The following DNAH6 variants were observed in gnomAD, a reference collection of about 807,000 sequenced individuals.
The protein encoded by DNAH6 is axonemal beta dynein heavy chain 6.
A neutral mutation model predicts 491.4 loss-of-function variants in DNAH6; 340 were observed. That is an observed-to-expected ratio of 0.69 (90% confidence interval 0.63 to 0.76). DNAH6 has a LOEUF of 0.76. DNAH6 is among the 30% of genes least tolerant of loss of function. DNAH6 has a pLI of 0.00. For synonymous variants in DNAH6, 1,603 were observed against 1,686.1 expected (o/e 0.95, Z 1.21); for missense variants, 4,443 against 4,972.2 (o/e 0.89, Z 3.20).
At chr2:84,578,503 T>C (rs918480404) in intron 13 of DNAH6, among the ~76,000 whole-genome samples, 1 of 152,152 alleles carries the variant, frequency 6.6e-6, no homozygotes, top group Admixed American at 6.5e-5. Flanking sequence ...GGCTCAGTGG[T>C]GTTACCAAGG....
the DNAH6 span, among the ~76,000 whole-genome samples, chr2:84,468,290 A>G: frequency 6.6e-6 from 1 of 152,228 alleles, no homozygotes; most frequent in South Asian, 2.1e-4. Context: ...AGATTACTAC[A>G]GTAGTTGTAA....
the DNAH6 span, among the ~76,000 whole-genome samples, chr2:84,505,779 A>C: frequency 1.8e-4 from 28 of 152,120 alleles, no homozygotes; most frequent in South Asian, 1.7e-3. Flanking sequence ...TCATTGTTCA[A>C]TTCCCACCTA....
chr2:84,629,648 G>A (rs1688208196), intron 29 of DNAH6, among the ~76,000 whole-genome samples: 1 of 152,078 alleles, frequency 6.6e-6, no homozygotes, highest in South Asian at 2.1e-4. Context: ...CTCTCAGTTA[G>A]GTATTATCTC....
At chr2:84,479,617 T>C in the DNAH6 span, among the ~76,000 whole-genome samples, 1 of 152,194 alleles carries the variant, frequency 6.6e-6, no homozygotes. Context: ...TGAATGTAGC[T>C]GAAGACATTG....
At chr2:84,518,671 G>A (rs1208980785) in intron 2 of DNAH6, among the ~76,000 whole-genome samples, 1 of 152,162 alleles carries the variant, frequency 6.6e-6, no homozygotes, top group Non-Finnish European at 1.5e-5. Flanking sequence ...TGTCACCAAT[G>A]CCATCTACTC....
intron 4 of DNAH6, among the ~76,000 whole-genome samples, chr2:84,537,572 G>A (rs1677817405): frequency 6.6e-6 from 1 of 152,008 alleles, no homozygotes; most frequent in East Asian, 1.9e-4. Flanking sequence ...AGTGGTTCCG[G>A]GTTTTTCTGA....
chr2:84,796,365 A>C lies in DNAH6; in HGVS notation c.11299A>C (p.Ile3767Leu). The change falls in exon 69 of 77, where the codon ATC becomes CTC. Residue 3767 changes from isoleucine (I) to leucine (L), a missense_variant. Transcript: ENST00000389394. The part of the protein sequence containing the change: ...DSWDQRCLRT[I>L]LKRFFSPETL... ...CTGGGACCAAAGATGCCTTCGTACTATCTTGAAAAGATTTTTTTCTCCTGA... is the reference window on the plus strand; with the variant it reads ...CTGGGACCAAAGATGCCTTCGTACTCTCTTGAAAAGATTTTTTTCTCCTGA... 6.6e-7 allele frequency: 1 copy of C among 1,525,180 alleles called. No individual in the cohort carries two copies. Among genetic ancestry groups the C allele is most frequent in the Non-Finnish European group, 8.9e-7 (1 of 1,129,854 alleles). The allele number at this position is 1,525,180 out of a possible 1,614,324, so 94.5% of individuals were successfully genotyped here. A position where few individuals can be genotyped will look rare whatever the true frequency, so the allele number is the denominator to read the frequency against.
At chr2:84,697,072 A>G (rs532394449) in intron 46 of DNAH6, among the ~76,000 whole-genome samples, 24 of 152,322 alleles carry the variant, frequency 1.6e-4, no homozygotes, top group Admixed American at 7.8e-4. Flanking sequence ...AAAATCCAGA[A>G]AATATTTGTG....
intron 63 of DNAH6, among the ~76,000 whole-genome samples, chr2:84,747,644 C>T (rs964113472): frequency 6.6e-6 from 1 of 152,202 alleles, no homozygotes; most frequent in Non-Finnish European, 1.5e-5. Flanking sequence ...CACAGCTCCA[C>T]TAGGCAGCAC....
At chr2:84,806,995 A>G (rs1243014502) in intron 71 of DNAH6, among the ~76,000 whole-genome samples, 1 of 152,254 alleles carries the variant, frequency 6.6e-6, no homozygotes, top group Non-Finnish European at 1.5e-5. Flanking sequence ...GGATAGCTGC[A>G]GAGACCATGC....
intron 59 of DNAH6, among the ~76,000 whole-genome samples, chr2:84,721,830 G>A (rs1698194174): frequency 6.6e-6 from 1 of 152,076 alleles, no homozygotes; most frequent in African/African-American, 2.4e-5. Flanking sequence ...GATTTTTCAT[G>A]GTCCCTGCTC....
the DNAH6 span, among the ~76,000 whole-genome samples, chr2:84,477,802 G>A: frequency 6.6e-6 from 1 of 152,208 alleles, no homozygotes; most frequent in Admixed American, 6.5e-5. Context: ...GCATTTGCTA[G>A]TATTACAAAG....
the DNAH6 span, among the ~76,000 whole-genome samples, chr2:84,509,652 G>A: frequency 7.1e-4 from 108 of 152,286 alleles, no homozygotes; most frequent in Admixed American, 1.4e-3. Flanking sequence ...TTTAGTTGAT[G>A]CAGTTTCTTC....
At chr2:84,542,580 C>G (rs1678363634) in intron 4 of DNAH6, among the ~76,000 whole-genome samples, 1 of 152,088 alleles carries the variant, frequency 6.6e-6, no homozygotes, top group Middle Eastern at 3.2e-3. Flanking sequence ...CACCATCAGC[C>G]CCCCACATCT....
intron 64 of DNAH6, among the ~76,000 whole-genome samples, chr2:84,773,221 C>G (rs1374327437): frequency 6.6e-6 from 1 of 151,994 alleles, no homozygotes; most frequent in African/African-American, 2.4e-5. Context: ...CTCTCTTCCT[C>G]CCCTATCTGG....
chr2:84,692,414 A>AGGGT (rs1430079167), intron 45 of DNAH6, among the ~76,000 whole-genome samples: 2 of 144,472 alleles, frequency 1.4e-5, no homozygotes, highest in African/African-American at 5.2e-5. Flanking sequence ...CAATATAAAT[A>AGGGT]AGGTAGATAG....
At chr2:84,479,184 C>T in the DNAH6 span, among the ~76,000 whole-genome samples, 2 of 152,230 alleles carry the variant, frequency 1.3e-5, no homozygotes, top group Admixed American at 6.5e-5. Flanking sequence ...TTTACAGGCA[C>T]AGGATCGGGT....
chr2:84,463,530 A>G, the DNAH6 span, among the ~76,000 whole-genome samples: 1 of 152,164 alleles, frequency 6.6e-6, no homozygotes, highest in Non-Finnish European at 1.5e-5. Flanking sequence ...AGTACTATCC[A>G]GTTTCTTGTG....
chr2:84,795,786 A>C (rs926020116), intron 68 of DNAH6, among the ~76,000 whole-genome samples: 2 of 152,230 alleles, frequency 1.3e-5, no homozygotes, highest in Non-Finnish European at 2.9e-5. Flanking sequence ...ATCAGTTATA[A>C]TTCCTTATAA....
Sources: gnomAD v4.1 joint callset for allele counts (sites outside exome capture counted in the v4.1 genomes callset) on GRCh38, gnomAD v4.1.1 for gene constraint, MANE v1.5 for transcripts, NCBI Gene and HGNC (gene_info 2026-07-23, HGNC 2026-07-21) for gene names.